MCTP1: variants seen among roughly 807,000 people sequenced by gnomAD.
MCTP1 encodes multiple C2 and transmembrane domain-containing protein 1.
MCTP1 carries 69 observed loss-of-function variants against 120.6 expected under a neutral mutation model. The observed-to-expected ratio is 0.57, with a 90% CI of 0.47 to 0.70. The LOEUF (loss-of-function observed/expected upper bound fraction) is 0.70. Among genes scored for constraint, MCTP1 ranks in the 30% least tolerant of loss-of-function variants. The pLI is 0.00. For missense variants in MCTP1, 1,203 were observed against 1,248.8 expected, an observed-to-expected ratio of 0.96 and a Z score of 0.55; for synonymous variants, 529 against 493.1, an observed-to-expected ratio of 1.07 and a Z score of -0.96.
intron 1 of MCTP1, among the ~76,000 whole-genome samples, chr5:95,058,148 C>T (rs1238791797): frequency 6.6e-6 from 1 of 152,150 alleles, no homozygotes; most frequent in Non-Finnish European, 1.5e-5. Flanking sequence ...TGCTTCGGCT[C>T]GTTGCTCTTA....
intron 17 of MCTP1, among the ~76,000 whole-genome samples, chr5:94,800,737 G>A (rs768682529): frequency 1.4e-4 from 21 of 151,918 alleles, no homozygotes; most frequent in Non-Finnish European, 2.4e-4. Context: ...ATATTTTACC[G>A]AATTCTTTTA....
intron 1 of MCTP1, among the ~76,000 whole-genome samples, chr5:95,047,800 C>A (rs1744947884): frequency 6.6e-6 from 1 of 151,722 alleles, no homozygotes; most frequent in Admixed American, 6.6e-5. Flanking sequence ...TATTTTCCAT[C>A]CATCTACACA....
chr5:94,865,507 C>T (rs909076123), intron 17 of MCTP1, among the ~76,000 whole-genome samples: 1 of 151,700 alleles, frequency 6.6e-6, no homozygotes, highest in African/African-American at 2.4e-5. Flanking sequence ...ACCCATGATC[C>T]ATCAACAGGG....
intron 1 of MCTP1, among the ~76,000 whole-genome samples, chr5:95,101,252 C>G (rs548020618): frequency 1.2e-4 from 18 of 152,224 alleles, no homozygotes; most frequent in Middle Eastern, 6.8e-3. Context: ...ACAAAAGATT[C>G]CTACCCAATA....
chr5:94,751,890 T>C (rs540917859), intron 19 of MCTP1, among the ~76,000 whole-genome samples: 49 of 142,510 alleles, frequency 3.4e-4, no homozygotes, highest in African/African-American at 1.3e-3. Context: ...TTCTCACTCA[T>C]AGATGGGAAT....
rs139666287 is a variant in MCTP1, at chr5:95,129,691, G to A, written c.721-112207C>T. Among the ~76,000 whole-genome samples, 731 of 151,078 alleles carry A rather than the reference G, an allele frequency of 4.8e-3. 3 individuals carry two copies. The highest frequency in any genetic ancestry group is 9.2e-3 in the Admixed American group (140 of 15,190). On this transcript the variant is annotated intron_variant, in intron 1 of 22. Coordinates refer to ENST00000515393, the MANE Select transcript of MCTP1 (RefSeq NM_024717.7). ...TCTTTTTTTTTTGAGACAAAGTCTCGCTCTGTCACCCAGGCTGGAGTGCAG... is the reference window on the plus strand; with the variant it reads ...TCTTTTTTTTTTGAGACAAAGTCTCACTCTGTCACCCAGGCTGGAGTGCAG...
rs144158296 is a variant in MCTP1, at chr5:95,070,683, G to A, written c.721-53199C>T. ...TCAGGAACTCAGCAACTACCTACCA[G>A]ACTTTGGCCATGTGTGAGACTGGGG... On this transcript the variant is annotated intron_variant, in intron 1 of 22. Coordinates refer to ENST00000515393, the MANE Select transcript of MCTP1 (RefSeq NM_024717.7). 9.2e-5 allele frequency among the ~76,000 whole-genome samples: 14 copies of A among 152,294 alleles called. No individual in the cohort carries two copies. In the East Asian group the frequency reaches 2.7e-3, roughly 29 times the overall value.
chr5:95,212,086 T>A (rs1427752805), intron 1 of MCTP1, among the ~76,000 whole-genome samples: 1 of 152,130 alleles, frequency 6.6e-6, no homozygotes, highest in African/African-American at 2.4e-5. Flanking sequence ...GAGTTGGTTT[T>A]TTGAAAGGAT....
intron 1 of MCTP1, among the ~76,000 whole-genome samples, chr5:95,220,597 G>A (rs1441686680): frequency 6.6e-6 from 1 of 152,156 alleles, no homozygotes; most frequent in East Asian, 1.9e-4. Flanking sequence ...ATGTAACTCA[G>A]TAATTCTCAC....
intron 1 of MCTP1, among the ~76,000 whole-genome samples, chr5:95,091,130 G>A (rs1199218242): frequency 6.6e-6 from 1 of 151,974 alleles, no homozygotes; most frequent in East Asian, 1.9e-4. Flanking sequence ...TCACCCTGGT[G>A]TCTCCCTCCT....
intron 12 of MCTP1, among the ~76,000 whole-genome samples, chr5:94,874,901 T>C (rs1798517266): frequency 6.6e-6 from 1 of 152,150 alleles, no homozygotes; most frequent in African/African-American, 2.4e-5. Flanking sequence ...AATATAAGCG[T>C]GCCACATCTT....
intron 19 of MCTP1, among the ~76,000 whole-genome samples, chr5:94,759,302 A>G (rs549810481): frequency 6.6e-6 from 1 of 152,304 alleles, no homozygotes; most frequent in African/African-American, 2.4e-5. Flanking sequence ...TGATATTATG[A>G]TATCTTTCAT....
intron 1 of MCTP1, among the ~76,000 whole-genome samples, chr5:95,062,139 T>C (rs1197168447): frequency 1.3e-5 from 2 of 152,254 alleles, no homozygotes. Context: ...CTTTGATCAA[T>C]GAATGGGATT....
intron 2 of MCTP1, among the ~76,000 whole-genome samples, chr5:94,980,423 C>T (rs371879039): frequency 6.6e-5 from 10 of 151,984 alleles, no homozygotes; most frequent in East Asian, 3.9e-4. Context: ...ATCATATAGA[C>T]GGAATGTAGA....
At position 95,095,006 on chromosome 5, in the gene MCTP1, A is replaced by ATTTTTTTTTTT. The variant is rs756132693; in HGVS notation, c.721-77533_721-77523dup. On this transcript the variant is annotated intron_variant, in intron 1 of 22. Transcript: ENST00000515393. ...TTTTTTCTTTTATTTGTTATGTTAG[A>ATTTTTTTTTTT]TTTTTTTTTTTTTTTTTTTTTTTTT... 2.4e-4 allele frequency among the ~76,000 whole-genome samples: 9 copies of ATTTTTTTTTTT among 36,964 alleles called. 3 individuals carry two copies. Among genetic ancestry groups the ATTTTTTTTTTT allele is most frequent in the African/African-American group, 1.1e-3 (9 of 8,046 alleles). 24.2% of individuals were successfully genotyped at this position (36,964 alleles called of 152,430 possible). A position where few individuals can be genotyped will look rare whatever the true frequency, so the allele number is the denominator to read the frequency against.
chr5:94,734,065 C>T (rs906398077), intron 19 of MCTP1, among the ~76,000 whole-genome samples: 7 of 152,054 alleles, frequency 4.6e-5, no homozygotes, highest in African/African-American at 1.4e-4. Flanking sequence ...ATCTCTCAAA[C>T]GTGTAGAGTG....
chr5:95,146,222 G>A (rs1760381936), intron 1 of MCTP1, among the ~76,000 whole-genome samples: 1 of 152,050 alleles, frequency 6.6e-6, no homozygotes, highest in Admixed American at 6.6e-5. Flanking sequence ...ATTTCTGTAG[G>A]ATCAGTTGTA....
intron 1 of MCTP1, among the ~76,000 whole-genome samples, chr5:95,177,210 T>G (rs1748099423): frequency 6.6e-6 from 1 of 151,982 alleles, no homozygotes. Flanking sequence ...GAGAAAGAGA[T>G]TTATTTTAAG....
intron 19 of MCTP1, among the ~76,000 whole-genome samples, chr5:94,743,315 T>TTA (rs1765983545): frequency 1.6e-5 from 2 of 127,506 alleles, no homozygotes; most frequent in African/African-American, 6.0e-5. Context: ...TTCAATTCAA[T>TTA]AAAAAAAAAA....
Sources: allele counts gnomAD v4.1 joint callset (sites outside exome capture counted in the v4.1 genomes callset), GRCh38; gene constraint gnomAD v4.1.1; transcripts MANE v1.5; gene names NCBI Gene and HGNC (gene_info 2026-07-23, HGNC 2026-07-21).